Variants in PTPRM observed in about 807,000 individuals in gnomAD.
PTPRM encodes protein tyrosine phosphatase receptor type M.
A neutral mutation model predicts 186.7 loss-of-function variants in PTPRM; 47 were observed. That is an observed-to-expected ratio of 0.25 (90% CI 0.20 to 0.32). The LOEUF (loss-of-function observed/expected upper bound fraction) is 0.32, where lower values mean the gene tolerates loss of function less well. PTPRM is among the 10% of genes least tolerant of loss of function. The pLI is 1.00. For synonymous variants in PTPRM, 668 were observed against 674.9 expected (o/e 0.99, Z 0.16); for missense variants, 1,494 against 1,865.0 (o/e 0.80, Z 3.66).
intron 23 of PTPRM, among the ~76,000 whole-genome samples, chr18:8,344,428 A>G (rs1568792139): frequency 7.2e-5 from 2 of 27,844 alleles, no homozygotes; most frequent in Non-Finnish European, 1.0e-4. Flanking sequence ...GGAGATATAT[A>G]TATGTGTGTG....
At position 8,306,202 on chromosome 18, in the gene PTPRM, AT is replaced by A. The variant is rs199810680; in HGVS notation, c.2843-8571del. Among the ~76,000 whole-genome samples, 4 of 151,880 alleles carry A rather than the reference AT, an allele frequency of 2.6e-5. No individual in the cohort carries two copies. In the East Asian group the frequency reaches 5.8e-4, roughly 22 times the overall value. Reference sequence around the variant, plus strand: ...GTGAGCCACTGCGCCTGGCAGCGTAATTTTTTTTAAGGGGAACTAACTGTAC... The same window carrying A: ...GTGAGCCACTGCGCCTGGCAGCGTAATTTTTTTAAGGGGAACTAACTGTAC... On this transcript the variant is annotated intron_variant, in intron 20 of 32. Transcript: ENST00000580170.
chr18:8,286,076 G>C (rs1420576319), intron 19 of PTPRM, among the ~76,000 whole-genome samples: 1 of 152,208 alleles, frequency 6.6e-6, no homozygotes, highest in Non-Finnish European at 1.5e-5. Context: ...ATAACAGAGG[G>C]AAGTGGTGAG....
At chr18:7,921,412 G>A (rs928570231) in intron 4 of PTPRM, among the ~76,000 whole-genome samples, 13 of 139,722 alleles carry the variant, frequency 9.3e-5, no homozygotes, top group African/African-American at 3.5e-4. Context: ...ACAGAGTCTT[G>A]CTCTGTCGCC....
At chr18:8,130,047 A>T (rs1305273100) in intron 13 of PTPRM, among the ~76,000 whole-genome samples, 1 of 152,136 alleles carries the variant, frequency 6.6e-6, no homozygotes, top group Non-Finnish European at 1.5e-5. Context: ...GTCTTCTAAG[A>T]TTCTATCATG....
At chr18:8,193,103 C>G (rs1042255089) in intron 14 of PTPRM, among the ~76,000 whole-genome samples, 1 of 152,112 alleles carries the variant, frequency 6.6e-6, no homozygotes, top group Non-Finnish European at 1.5e-5. Flanking sequence ...GAGATCCATG[C>G]TGAAGTCATA....
intron 1 of PTPRM, among the ~76,000 whole-genome samples, chr18:7,618,172 A>T (rs963510862): frequency 9.9e-5 from 15 of 152,224 alleles, no homozygotes; most frequent in African/African-American, 3.6e-4. Context: ...TCCACTCAAA[A>T]AACTTTTCTG....
rs566430098 is a variant in PTPRM at position 8,389,913 on chromosome 18, T to C, written c.4208+2678T>C. On this transcript the variant is annotated intron_variant, in intron 31 of 32. Coordinates refer to ENST00000580170, the MANE Select transcript of PTPRM (RefSeq NM_001105244.2). ...TGAATGGTTCCTTGAGCCACAGATATTCAAGGTAGGCAAATAGAGAGTGTT... is the reference window on the plus strand; with the variant it reads ...TGAATGGTTCCTTGAGCCACAGATACTCAAGGTAGGCAAATAGAGAGTGTT... Among the ~76,000 whole-genome samples the C allele has an allele frequency of 5.9e-5, 9 of 152,282 alleles. No homozygotes were observed. In the South Asian group the frequency reaches 1.7e-3, roughly 28 times the overall value.
chr18:7,823,850 C>T (rs1400204797), intron 2 of PTPRM, among the ~76,000 whole-genome samples: 1 of 152,088 alleles, frequency 6.6e-6, no homozygotes, highest in Non-Finnish European at 1.5e-5. Flanking sequence ...ACCTTGTGAT[C>T]GTGTGAGTCA....
chr18:8,155,936 T>A (rs2093111815), intron 14 of PTPRM, among the ~76,000 whole-genome samples: 1 of 152,246 alleles, frequency 6.6e-6, no homozygotes, highest in African/African-American at 2.4e-5. Context: ...TTGTGACAAT[T>A]ATTTAAAATA....
chr18:7,669,519 G>A (rs866108962), intron 1 of PTPRM, among the ~76,000 whole-genome samples: 21 of 152,304 alleles, frequency 1.4e-4, no homozygotes, highest in African/African-American at 5.1e-4. Context: ...TGGGAGATTG[G>A]GGTCACGGTT....
intron 1 of PTPRM, among the ~76,000 whole-genome samples, chr18:7,655,798 T>C (rs2038832384): frequency 6.6e-6 from 1 of 152,222 alleles, no homozygotes; most frequent in Admixed American, 6.5e-5. Context: ...TAAGTCTGTA[T>C]GTTTTATGAT....
chr18:7,946,991 C>A (rs575804268), intron 5 of PTPRM: 18 of 456,262 alleles, frequency 3.9e-5, no homozygotes, highest in South Asian at 2.6e-4. Flanking sequence ...AGTTTTACAG[C>A]AGCACTGAAC....
chr18:7,797,952 G>A (rs184656979), intron 2 of PTPRM, among the ~76,000 whole-genome samples: 43 of 152,234 alleles, frequency 2.8e-4, no homozygotes, highest in African/African-American at 7.5e-4. Flanking sequence ...CCTTGACTTC[G>A]GATGTCCCTG....
At chr18:7,813,156 T>C (rs2044620766) in intron 2 of PTPRM, among the ~76,000 whole-genome samples, 1 of 152,214 alleles carries the variant, frequency 6.6e-6, no homozygotes, top group Admixed American at 6.5e-5. Flanking sequence ...GCCATGTTCT[T>C]CCATAGAAAT....
intron 1 of PTPRM, among the ~76,000 whole-genome samples, chr18:7,601,398 T>TA (rs1323859903): frequency 2.6e-5 from 4 of 152,228 alleles, no homozygotes; most frequent in African/African-American, 9.6e-5. Flanking sequence ...CTTGCCAGCT[T>TA]ACAACCACAG....
At chr18:7,886,557 G>A (rs2048797116) in intron 2 of PTPRM, among the ~76,000 whole-genome samples, 1 of 152,138 alleles carries the variant, frequency 6.6e-6, no homozygotes, top group South Asian at 2.1e-4. Context: ...CTGTGAAAGG[G>A]TATTTTTTTC....
chr18:7,582,021 A>G (rs532428489), intron 1 of PTPRM, among the ~76,000 whole-genome samples: 1 of 152,258 alleles, frequency 6.6e-6, no homozygotes, highest in African/African-American at 2.4e-5. Context: ...ATAGGTAGAA[A>G]TGTGTACAAA....
intron 15 of PTPRM, among the ~76,000 whole-genome samples, chr18:8,245,364 A>G (rs1206372122): frequency 6.6e-6 from 1 of 152,166 alleles, no homozygotes; most frequent in Non-Finnish European, 1.5e-5. Flanking sequence ...GAGCATGCAC[A>G]GGTGCTGCTT....
At chr18:8,261,781 T>C (rs1021094020) in intron 19 of PTPRM, among the ~76,000 whole-genome samples, 7 of 152,242 alleles carry the variant, frequency 4.6e-5, no homozygotes, top group African/African-American at 1.7e-4. Flanking sequence ...TTCATGGCAG[T>C]TGATGTTTTC....
Sources: allele counts gnomAD v4.1 joint callset (sites outside exome capture counted in the v4.1 genomes callset), GRCh38; gene constraint gnomAD v4.1.1; transcripts MANE v1.5; gene names NCBI Gene and HGNC (gene_info 2026-07-23, HGNC 2026-07-21).